NMNAT2: variants seen among roughly 807,000 people sequenced by gnomAD.
NMNAT2 encodes nicotinamide nucleotide adenylyltransferase 2.
In NMNAT2, 11 loss-of-function variants were observed where a neutral mutation model predicts 41.6. The observed-to-expected ratio is 0.26, with a 90% CI of 0.17 to 0.44. NMNAT2 has a LOEUF of 0.44. Among genes scored for constraint, NMNAT2 ranks in the 20% least tolerant of loss-of-function variants. The probability of loss-of-function intolerance (pLI) is 1.00; values close to 1 mark genes in which losing one functional copy is unlikely to be tolerated. For missense variants in NMNAT2, 288 were observed against 407.7 expected (o/e 0.71, Z 2.53); for synonymous variants, 148 against 151.2 (o/e 0.98, Z 0.16).
chr1:183,309,966 G>A (rs891721924), intron 1 of NMNAT2, among the ~76,000 whole-genome samples: 1 of 152,156 alleles, frequency 6.6e-6, no homozygotes, highest in Non-Finnish European at 1.5e-5. Context: ...ATTTTATCCT[G>A]GGTGAACCTT....
intron 8 of NMNAT2, among the ~76,000 whole-genome samples, chr1:183,272,438 C>G (rs995478256): frequency 6.6e-6 from 1 of 152,118 alleles, no homozygotes; most frequent in Non-Finnish European, 1.5e-5. Context: ...GAGAGAAACT[C>G]GATGACTATG....
At chr1:183,415,685 G>GT (rs1649233249) in intron 1 of NMNAT2, among the ~76,000 whole-genome samples, 1 of 152,152 alleles carries the variant, frequency 6.6e-6, no homozygotes, top group South Asian at 2.1e-4. Context: ...TTCTTATAAG[G>GT]TTTTTAACAG....
At chr1:183,413,665 G>A (rs1571647341) in intron 1 of NMNAT2, among the ~76,000 whole-genome samples, 1 of 143,002 alleles carries the variant, frequency 7.0e-6, no homozygotes, top group African/African-American at 2.7e-5. Context: ...GGAGTGCAGT[G>A]GCGCGATCTC....
At chr1:183,259,457 TCAC>T (rs547492635) in intron 10 of NMNAT2, among the ~76,000 whole-genome samples, 9 of 152,352 alleles carry the variant, frequency 5.9e-5, no homozygotes, top group African/African-American at 1.7e-4. Flanking sequence ...GTCCCCTCTC[TCAC>T]CTTGGCTTCT....
At chr1:183,311,884 TG>T (rs1339343172) in intron 1 of NMNAT2, among the ~76,000 whole-genome samples, 3 of 151,826 alleles carry the variant, frequency 2.0e-5, no homozygotes, top group African/African-American at 7.3e-5. Context: ...AATTGAATCA[TG>T]GGGGCAGGTC....
At chr1:183,284,890 G>A (rs1661363579) in intron 5 of NMNAT2, 100 bp from the exon 6 acceptor site, 2 of 918,156 alleles carry the variant, frequency 2.2e-6, no homozygotes, top group South Asian at 2.6e-5. Context: ...AAACATCAGG[G>A]TGCATGGACG....
intron 1 of NMNAT2, among the ~76,000 whole-genome samples, chr1:183,416,627 T>C (rs1044618632): frequency 6.6e-6 from 1 of 152,212 alleles, no homozygotes. Flanking sequence ...TTTTGAAAGC[T>C]GAAGGAATGG....
intron 1 of NMNAT2, among the ~76,000 whole-genome samples, chr1:183,382,269 G>A (rs2101916425): frequency 6.6e-6 from 1 of 152,262 alleles, no homozygotes; most frequent in South Asian, 2.1e-4. Flanking sequence ...ACAGCAAGGG[G>A]GAGATCTGCC....
At position 183,284,877 on chromosome 1, in the gene NMNAT2, T is replaced by G. The variant is rs1052577814; in HGVS notation, c.449-87A>C. 3 of 1,070,296 alleles carry G rather than the reference T, an allele frequency of 2.8e-6. No homozygotes were observed. In the African/African-American group the frequency reaches 4.7e-5, roughly 17 times the overall value. The allele number at this position is 1,070,296 out of a possible 1,614,324, so 66.3% of individuals were successfully genotyped here. A position where few individuals can be genotyped will look rare whatever the true frequency, so the allele number is the denominator to read the frequency against. On this transcript the variant is annotated intron_variant, in intron 5 of 10. Coordinates refer to ENST00000287713, the MANE Select transcript of NMNAT2 (RefSeq NM_015039.4). ...CATGTCGGCCCGGCATTGGGGCCGCTGTAAACATCAGGGTGCATGGACGGG... is the reference window on the plus strand; with the variant it reads ...CATGTCGGCCCGGCATTGGGGCCGCGGTAAACATCAGGGTGCATGGACGGG...
chr1:183,282,196 CT>C (rs1661288936), intron 7 of NMNAT2, among the ~76,000 whole-genome samples: 1 of 152,242 alleles, frequency 6.6e-6, no homozygotes, highest in African/African-American at 2.4e-5. Flanking sequence ...TAGACCCTCC[CT>C]CTCAGCGAGC....
intron 1 of NMNAT2, among the ~76,000 whole-genome samples, chr1:183,366,187 C>T (rs1308746656): frequency 1.3e-5 from 2 of 152,188 alleles, no homozygotes; most frequent in Non-Finnish European, 2.9e-5. Flanking sequence ...GTCTTTCTGA[C>T]CTCATTCATT....
intron 1 of NMNAT2, among the ~76,000 whole-genome samples, chr1:183,399,189 A>G (rs1461459389): frequency 1.6e-5 from 2 of 128,392 alleles, no homozygotes; most frequent in African/African-American, 2.6e-5. Context: ...AAGAAAAGAG[A>G]GAAGAATCAA....
intron 1 of NMNAT2, among the ~76,000 whole-genome samples, chr1:183,316,578 C>A (rs1471427264): frequency 6.6e-6 from 1 of 152,200 alleles, no homozygotes; most frequent in Admixed American, 6.5e-5. Context: ...CAGCCCCCCA[C>A]CAGGCACCTC....
chr1:183,340,901 G>A (rs150769771), intron 1 of NMNAT2, among the ~76,000 whole-genome samples: 9 of 152,312 alleles, frequency 5.9e-5, no homozygotes, highest in South Asian at 2.1e-4. Flanking sequence ...GTGATTATTA[G>A]ACTAATATGC....
At chr1:183,252,854 A>T in intron 10 of NMNAT2, 111 bp from the exon 11 acceptor site, 1 of 763,162 alleles carries the variant, frequency 1.3e-6, no homozygotes, top group African/African-American at 1.7e-5. Flanking sequence ...TCTCAGGTTG[A>T]GTAAATAGTT....
intron 1 of NMNAT2, among the ~76,000 whole-genome samples, chr1:183,390,207 C>T (rs553186432): frequency 2.6e-5 from 4 of 152,212 alleles, no homozygotes; most frequent in Admixed American, 1.3e-4. Flanking sequence ...AATGTTAAAA[C>T]GGCTACTCAA....
chr1:183,316,581 G>A (rs1293100377), intron 1 of NMNAT2, among the ~76,000 whole-genome samples: 1 of 152,172 alleles, frequency 6.6e-6, no homozygotes, highest in Non-Finnish European at 1.5e-5. Context: ...CCCCCCACCA[G>A]GCACCTCGGT....
At position 183,261,303 on chromosome 1, in the gene NMNAT2, T is replaced by G. The variant is rs202060911; in HGVS notation, c.652A>C (p.Met218Leu). The G allele has an allele frequency of 1.9e-5, 31 of 1,612,852 alleles. No individual in the cohort carries two copies. Among genetic ancestry groups the G allele is most frequent in the Non-Finnish European group, 2.5e-6 (3 of 1,179,784 alleles). Residue 218 changes from methionine to leucine, a missense_variant and splice_region_variant, in exon 9 of 11, where the codon ATG becomes CTG. Around this residue, in one of 3 missense-constraint regions of NMNAT2, gnomAD observed 181 missense variants for 213.7 expected, o/e 0.85. Coordinates refer to ENST00000287713, the MANE Select transcript of NMNAT2 (RefSeq NM_015039.4). ...CCAAAGTCACCAACAATCACCTCCA[T>G]CTAAAGAAACAGAGAGAGGGCCCTT... is the stretch of plus-strand genomic sequence containing the variant. ...CIPGLWNEAD[M>L]EVIVGDFGIV...
At chr1:183,334,291 T>A (rs566987871) in intron 1 of NMNAT2, among the ~76,000 whole-genome samples, 22 of 152,124 alleles carry the variant, frequency 1.4e-4, no homozygotes, top group Non-Finnish European at 2.1e-4. Context: ...GGTCTCAGAC[T>A]CCTGACCTCA....
Sources: gnomAD v4.1 joint callset for allele counts (sites outside exome capture counted in the v4.1 genomes callset) on GRCh38, gnomAD v4.1.1 for gene constraint, gnomAD v4.1.1 regional missense constraint, MANE v1.5 for transcripts, NCBI Gene and HGNC (gene_info 2026-07-23, HGNC 2026-07-21) for gene names.